Variants in ZNF75D observed in about 807,000 individuals in gnomAD.
ZNF75D encodes zinc finger protein 75.
ZNF75D carries 33 observed loss-of-function variants against 33.3 expected under a neutral mutation model. That is an observed-to-expected ratio of 0.99 (90% confidence interval 0.75 to 1.32). The LOEUF is 1.32. Ranked by LOEUF, ZNF75D falls within the 40% of genes most tolerant of loss-of-function variation. The pLI is 0.00. For missense variants in ZNF75D, 338 were observed against 367.5 expected, an observed-to-expected ratio of 0.92 and a Z score of 0.66; for synonymous variants, 113 against 130.6, an observed-to-expected ratio of 0.87 and a Z score of 0.92.
intron 4 of ZNF75D, 61 bp downstream of exon 4, chrX:135,292,220 C>T (rs930163481): frequency 1.8e-6 from 2 of 1,100,035 alleles, no homozygotes; most frequent in African/African-American, 3.6e-5. Context: ...CCAGGACATT[C>T]TAGGTGAACT....
intron 1 of ZNF75D, among the ~76,000 whole-genome samples, chrX:135,338,230 T>C (rs2084740726): frequency 9.0e-6 from 1 of 111,088 alleles, no homozygotes; most frequent in South Asian, 3.8e-4. Flanking sequence ...TTCTGTCTCC[T>C]GGCTTCTGCA....
At chrX:135,262,506 T>TTCTC (rs1234538681) in intron 1 of ZNF75D, among the ~76,000 whole-genome samples, 5 of 112,310 alleles carry the variant, frequency 4.5e-5, no homozygotes, top group African/African-American at 1.6e-4. Flanking sequence ...TTACTTTTTT[T>TTCTC]TCTCTAACCT....
In ZNF75D at chrX:135,287,296, G is replaced by T. The variant is rs782533016; in HGVS notation, c.1374C>A (p.Phe458Leu). The T allele has an allele frequency of 1.7e-6, 2 of 1,211,854 alleles. No individual in the cohort carries two copies. Among genetic ancestry groups the T allele is most frequent in the Non-Finnish European group, 2.2e-6 (2 of 895,482 alleles). ...PFKCDECGKR[F>L]IQNSHLIKHQ... ...GTTTAATAAGGTGGGAGTTCTGAAT[G>T]AATCTTTTTCCACATTCATCACATT... The change falls in exon 7 of 7, where the codon TTC becomes TTA. Residue 458 changes from phenylalanine to leucine, a missense_variant. Around this residue, in one of 3 missense-constraint regions of ZNF75D, gnomAD observed 79 missense variants for 80.1 expected, o/e 0.99. Coordinates refer to ENST00000370766, the MANE Select transcript of ZNF75D (RefSeq NM_007131.5).
chrX:135,266,879 TAAAAC>T (rs1323914844), intron 1 of ZNF75D, among the ~76,000 whole-genome samples: 2 of 111,867 alleles, frequency 1.8e-5, no homozygotes, highest in African/African-American at 6.5e-5. Context: ...AAACAAGTCT[TAAAAC>T]AATCATAAAC....
At chrX:135,283,910 A>G (rs2083930369), downstream of ZNF75D, among the ~76,000 whole-genome samples, 1 of 111,734 alleles carries the variant, frequency 8.9e-6, no homozygotes, top group Non-Finnish European at 1.9e-5. Context: ...CATCCACAGC[A>G]AGCAATGGCA....
chrX:135,309,569 C>CA (rs1556426955), intron 1 of ZNF75D: 3 of 294,969 alleles, frequency 1.0e-5, no homozygotes, highest in Non-Finnish European at 1.8e-5. Flanking sequence ...AGAAGCCCAC[C>CA]AAAAATGTGC....
intron 1 of ZNF75D, among the ~76,000 whole-genome samples, chrX:135,320,666 T>A (rs2084484239): frequency 8.9e-6 from 1 of 112,167 alleles, no homozygotes; most frequent in African/African-American, 3.2e-5. Flanking sequence ...TGTTTTAGCA[T>A]CCTCAAAATC....
intron 1 of ZNF75D, among the ~76,000 whole-genome samples, chrX:135,301,501 C>A (rs2084218140): frequency 8.9e-6 from 1 of 112,151 alleles, no homozygotes; most frequent in African/African-American, 3.2e-5. Context: ...GCATTACTTC[C>A]AAGATACCAT....
At chrX:135,264,273 C>T (rs1203579829) in intron 1 of ZNF75D, among the ~76,000 whole-genome samples, 3 of 111,292 alleles carry the variant, frequency 2.7e-5, no homozygotes, top group African/African-American at 9.8e-5. Context: ...CTCACTATCA[C>T]GAGAAGAGCA....
At position 135,302,129 on chromosome X, in the gene ZNF75D, G is replaced by T. The variant is rs77649552; in HGVS notation, c.-390-6090C>A. 0.01 allele frequency among the ~76,000 whole-genome samples: 1,138 copies of T among 112,281 alleles called. 36 individuals carry two copies. In the East Asian group the frequency reaches 0.14, roughly 14 times the overall value. ...GTGGCTGGGAGCTATGACTATTCATGAAGCGGGGATATGTGCATGTGTGGT... is the reference window on the plus strand; with the variant it reads ...GTGGCTGGGAGCTATGACTATTCATTAAGCGGGGATATGTGCATGTGTGGT... On this transcript the variant is annotated intron_variant, in intron 1 of 6. Coordinates refer to ENST00000370766, the MANE Select transcript of ZNF75D (RefSeq NM_007131.5).
chrX:135,297,140 A>G (rs2084141937), intron 1 of ZNF75D: 1 of 112,088 alleles, frequency 8.9e-6, no homozygotes, highest in Non-Finnish European at 1.9e-5. Context: ...TACAATGGGG[A>G]TGAAACTGAC....
At chrX:135,312,467 G>T (rs782711667) in intron 1 of ZNF75D, among the ~76,000 whole-genome samples, 30 of 111,986 alleles carry the variant, frequency 2.7e-4, no homozygotes, top group Non-Finnish European at 5.1e-4. Flanking sequence ...GCGAGTGCAG[G>T]TATCCCTTTG....
chrX:135,301,008 A>G (rs1556424518), intron 1 of ZNF75D, among the ~76,000 whole-genome samples: 2 of 112,055 alleles, frequency 1.8e-5, no homozygotes, highest in Non-Finnish European at 3.8e-5. Flanking sequence ...TAATTTATAA[A>G]GGAAAGAAGT....
chrX:135,249,317 G>A, intron 3 of ZNF75D: 1 of 260,390 alleles, frequency 3.8e-6, no homozygotes, highest in Admixed American at 4.6e-5. Context: ...AAAGTTGATA[G>A]AATCTAGAAT....
At position 135,323,989 on chromosome X, in the gene ZNF75D, G is replaced by GCACACACACA. The variant is rs34146473; in HGVS notation, c.-391+17769_-391+17778dup. Among the ~76,000 whole-genome samples the GCACACACACA allele has an allele frequency of 1.2e-4, 12 of 97,615 alleles. No homozygotes were observed. The South Asian group carries it at 3.4e-3, about 28-fold the overall frequency. The allele number at this position is 97,615 out of a possible 115,157, so 84.8% of individuals were successfully genotyped here. On this transcript the variant is annotated intron_variant, in intron 1 of 6. Coordinates refer to ENST00000370766, the MANE Select transcript of ZNF75D (RefSeq NM_007131.5). The stretch of plus-strand genomic sequence containing the variant: ...GCTCACTGTACCAATACTTGTTGCA[G>GCACACACACA]CACACACACACACACACACACACAC...
Position 135,287,442 on chromosome X carries a change from T to C in ZNF75D, c.1228A>G (p.Lys410Glu), listed in dbSNP as rs1173506390. The C allele has an allele frequency of 4.5e-5, 54 of 1,210,104 alleles. No homozygotes were observed. The highest frequency in any genetic ancestry group is 5.9e-5 in the Non-Finnish European group (53 of 895,183). The stretch of plus-strand genomic sequence containing the variant: ...ATTCCTTGATGGGTCATGAAGTGCT[T>C]ATTAAGATCTGAACTCCATCTAAAC... ...RRFRWSSDLNKHFMTHQGIKP... is the reference protein window; with the variant it reads ...RRFRWSSDLNEHFMTHQGIKP... The change falls in exon 7 of 7, where the codon AAG becomes GAG. Residue 410 changes from lysine (K) to glutamate (E), a missense_variant. Physicochemically the swap from Lys to Glu is moderately conservative, Grantham distance 56 (BLOSUM62 1). Around this residue, in one of 3 missense-constraint regions of ZNF75D, gnomAD observed 79 missense variants for 80.1 expected, o/e 0.99. Coordinates refer to ENST00000370766, the MANE Select transcript of ZNF75D (RefSeq NM_007131.5).
intron 1 of ZNF75D, among the ~76,000 whole-genome samples, chrX:135,324,678 A>T (rs2084538581): frequency 8.9e-6 from 1 of 112,614 alleles, no homozygotes; most frequent in African/African-American, 3.2e-5. Flanking sequence ...ACTTAAGGTC[A>T]TGACTCACCT....
chrX:135,303,503 A>G lies in ZNF75D; in HGVS notation c.-390-7464T>C, dbSNP rs999899888. 5.3e-5 allele frequency among the ~76,000 whole-genome samples: 6 copies of G among 112,410 alleles called. No homozygotes were observed. In the Admixed American group the frequency reaches 5.6e-4, roughly 11 times the overall value. ...TTCAAGCATTTGTTTAACAAAGCAC[A>G]TCTTGCACAGCCCTTAATCCATTTA... On this transcript the variant is annotated intron_variant, in intron 1 of 6. Transcript: ENST00000370766.
intron 2 of ZNF75D, 101 bp from the exon 3 acceptor site, chrX:135,294,359 G>A (rs1482147509): frequency 3.1e-6 from 1 of 317,714 alleles, no homozygotes; most frequent in Non-Finnish European, 5.4e-6. Flanking sequence ...AAAAGTTCCT[G>A]TCTGGCTTCT....
Sources: allele counts gnomAD v4.1 joint callset (sites outside exome capture counted in the v4.1 genomes callset), GRCh38; gene constraint gnomAD v4.1.1; regional missense constraint gnomAD v4.1.1; transcripts MANE v1.5; gene names NCBI Gene and HGNC (gene_info 2026-07-23, HGNC 2026-07-21).